Variants in SLC24A3 observed in about 807,000 individuals in gnomAD.
SLC24A3 encodes sodium/potassium/calcium exchanger 3.
Under a neutral mutation model 75.8 loss-of-function variants are expected in SLC24A3, and 28 were observed. That is an observed-to-expected ratio of 0.37 (90% CI 0.27 to 0.51). The LOEUF (loss-of-function observed/expected upper bound fraction) is 0.51, where lower values mean the gene tolerates loss of function less well. SLC24A3 is among the 20% of genes least tolerant of loss of function. The pLI is 0.94. For synonymous variants in SLC24A3, 372 were observed against 334.1 expected (o/e 1.11, Z -1.24); for missense variants, 663 against 847.8 (o/e 0.78, Z 2.71).
chr20:19,305,997 G>A (rs1984317119), intron 2 of SLC24A3, among the ~76,000 whole-genome samples: 2 of 152,100 alleles, frequency 1.3e-5, no homozygotes, highest in African/African-American at 4.8e-5. Context: ...GAAGTCTAAT[G>A]TCTAGAATCT....
intron 3 of SLC24A3, among the ~76,000 whole-genome samples, chr20:19,534,710 A>T (rs951824046): frequency 2.0e-5 from 3 of 152,102 alleles, no homozygotes; most frequent in African/African-American, 4.8e-5. Flanking sequence ...TGGCCCCAAA[A>T]AGTATTTTTA....
intron 1 of SLC24A3, among the ~76,000 whole-genome samples, chr20:19,239,138 AC>A (rs1376073359): frequency 7.9e-5 from 12 of 151,158 alleles, no homozygotes; most frequent in African/African-American, 2.2e-4. Flanking sequence ...AAAAAAAAAA[AC>A]AACACAGAGT....
chr20:19,367,705 C>A (rs929560900), intron 2 of SLC24A3, among the ~76,000 whole-genome samples: 27 of 152,220 alleles, frequency 1.8e-4, no homozygotes, highest in Non-Finnish European at 7.3e-5. Flanking sequence ...TAGTTAATTT[C>A]TTCCTTGTTG....
chr20:19,284,790 A>G (rs1264101178), intron 2 of SLC24A3, among the ~76,000 whole-genome samples: 1 of 152,244 alleles, frequency 6.6e-6, no homozygotes, highest in African/African-American at 2.4e-5. Flanking sequence ...TATTCTGGTT[A>G]TATTCCCTGT....
chr20:19,223,810 C>A (rs753405976), intron 1 of SLC24A3, among the ~76,000 whole-genome samples: 6 of 152,122 alleles, frequency 3.9e-5, no homozygotes, highest in Non-Finnish European at 7.3e-5. Flanking sequence ...CTACTGTTCA[C>A]CTTGAACCCA....
intron 2 of SLC24A3, among the ~76,000 whole-genome samples, chr20:19,321,074 G>C (rs1338014615): frequency 6.6e-6 from 1 of 150,688 alleles, no homozygotes; most frequent in Non-Finnish European, 1.5e-5. Context: ...GATATAGAGG[G>C]CTCACTGTGT....
In SLC24A3 at chr20:19,271,983, A is replaced by T. The variant is rs1251339967; in HGVS notation, c.143-8976A>T. Reference sequence around the variant, plus strand: ...TTCCCCGAAAACTATTGAAATAAAAATTTTTAAAAAGAGGACTGTTGGCAG... The same window carrying T: ...TTCCCCGAAAACTATTGAAATAAAATTTTTTAAAAAGAGGACTGTTGGCAG... On this transcript the variant is annotated intron_variant, in intron 1 of 16. Coordinates refer to ENST00000328041, the MANE Select transcript of SLC24A3 (RefSeq NM_020689.4). Among the ~76,000 whole-genome samples, 8 of 152,362 alleles carry T rather than the reference A, an allele frequency of 5.3e-5. No individual in the cohort carries two copies. The South Asian group carries it at 6.2e-4, about 12-fold the overall frequency.
At chr20:19,268,897 A>C (rs573825194) in intron 1 of SLC24A3, among the ~76,000 whole-genome samples, 26 of 152,256 alleles carry the variant, frequency 1.7e-4, no homozygotes, top group Non-Finnish European at 3.1e-4. Flanking sequence ...AGAAGAAAAT[A>C]AAAGTCAGAC....
chr20:19,368,275 A>C (rs550959680), intron 2 of SLC24A3, among the ~76,000 whole-genome samples: 6 of 152,334 alleles, frequency 3.9e-5, no homozygotes, highest in Non-Finnish European at 1.5e-5. Flanking sequence ...TAACACTGGC[A>C]CTTTAAGACG....
intron 6 of SLC24A3, among the ~76,000 whole-genome samples, chr20:19,624,551 C>T (rs147133375): frequency 1.3e-5 from 2 of 152,218 alleles, no homozygotes; most frequent in East Asian, 1.9e-4. Flanking sequence ...GGCAAAAATA[C>T]AAAAGGAAAA....
In SLC24A3 at chr20:19,549,865, A is replaced by G. The variant is rs914124901; in HGVS notation, c.349-30135A>G. 2.6e-5 allele frequency among the ~76,000 whole-genome samples: 4 copies of G among 152,222 alleles called. 1 individual carries two copies. In the South Asian group the frequency reaches 8.3e-4, roughly 32 times the overall value. On this transcript the variant is annotated intron_variant, in intron 3 of 16. Coordinates refer to ENST00000328041, the MANE Select transcript of SLC24A3 (RefSeq NM_020689.4). ...CCACTTCCAACTGATGAGGGGTTAA[A>G]TGATTGAAATTATCCCAAAGAATAT...
At chr20:19,706,762 C>A (rs1157928917) in intron 15 of SLC24A3, among the ~76,000 whole-genome samples, 1 of 152,096 alleles carries the variant, frequency 6.6e-6, no homozygotes, top group Non-Finnish European at 1.5e-5. Context: ...TCTGACAATT[C>A]CGTAGAGAAA....
At chr20:19,553,545 A>G (rs2030735950) in intron 3 of SLC24A3, among the ~76,000 whole-genome samples, 1 of 152,170 alleles carries the variant, frequency 6.6e-6, no homozygotes, top group Non-Finnish European at 1.5e-5. Context: ...CTCCCTCAGA[A>G]CATGTCTTTC....
chr20:19,438,970 C>G (rs1987254756), intron 2 of SLC24A3, among the ~76,000 whole-genome samples: 2 of 152,236 alleles, frequency 1.3e-5, no homozygotes, highest in Non-Finnish European at 2.9e-5. Flanking sequence ...CAGAGTCAAG[C>G]GCATGGTGAG....
intron 2 of SLC24A3, among the ~76,000 whole-genome samples, chr20:19,476,046 G>T (rs1987957602): frequency 6.6e-6 from 1 of 152,160 alleles, no homozygotes; most frequent in Non-Finnish European, 1.5e-5. Flanking sequence ...CAAATGACTT[G>T]GGAAAACTCA....
intron 1 of SLC24A3, among the ~76,000 whole-genome samples, chr20:19,222,424 G>A (rs1305872309): frequency 6.6e-6 from 1 of 152,102 alleles, no homozygotes; most frequent in African/African-American, 2.4e-5. Context: ...TTGTATCTCT[G>A]TTATGCTATC....
intron 2 of SLC24A3, among the ~76,000 whole-genome samples, chr20:19,427,535 G>T (rs183810691): frequency 7.9e-5 from 12 of 152,352 alleles, no homozygotes; most frequent in African/African-American, 2.9e-4. Flanking sequence ...TCCACTGGGG[G>T]CTGGGGGAAA....
intron 2 of SLC24A3, among the ~76,000 whole-genome samples, chr20:19,486,308 A>G (rs74793943): frequency 0.1 from 15,188 of 152,232 alleles, 811 homozygotes; most frequent in Admixed American, 0.1. Context: ...ATTAGGAGTT[A>G]ACTACCAGAG....
intron 3 of SLC24A3, among the ~76,000 whole-genome samples, chr20:19,557,049 C>T (rs1465983911): frequency 6.6e-6 from 1 of 152,174 alleles, no homozygotes; most frequent in African/African-American, 2.4e-5. Context: ...GGAGATCCTT[C>T]CCAGTGAGGC....
Sources: gnomAD v4.1 joint callset for allele counts (sites outside exome capture counted in the v4.1 genomes callset) on GRCh38, gnomAD v4.1.1 for gene constraint, MANE v1.5 for transcripts, NCBI Gene and HGNC (gene_info 2026-07-23, HGNC 2026-07-21) for gene names.